Variants in PIK3R3 observed in about 807,000 individuals in gnomAD.
The protein encoded by PIK3R3 is phosphatidylinositol 3-kinase regulatory subunit gamma.
In PIK3R3, 64 loss-of-function variants were observed where a neutral mutation model predicts 62.9. The observed-to-expected ratio is 1.02, with a 90% CI of 0.83 to 1.25. The LOEUF (loss-of-function observed/expected upper bound fraction) is 1.25. Among genes scored for constraint, PIK3R3 ranks in the 50% most tolerant of loss-of-function variants. The pLI is 0.00. For synonymous variants in PIK3R3, 165 were observed against 189.0 expected (o/e 0.87, Z 1.04); for missense variants, 614 against 561.6 (o/e 1.09, Z -0.94).
chr1:46,097,369 C>A (rs974221362), intron 1 of PIK3R3, among the ~76,000 whole-genome samples: 31 of 151,898 alleles, frequency 2.0e-4, no homozygotes, highest in African/African-American at 6.8e-4. Context: ...CATTGTGAAA[C>A]CCTGCCTCCA....
intron 1 of PIK3R3, among the ~76,000 whole-genome samples, chr1:46,082,530 G>A (rs914478083): frequency 6.6e-6 from 1 of 152,138 alleles, no homozygotes; most frequent in African/African-American, 2.4e-5. Flanking sequence ...TTAGTTTTCT[G>A]ATTTTGATGG....
At chr1:46,147,036 C>T in the PIK3R3 span, among the ~76,000 whole-genome samples, 1 of 152,176 alleles carries the variant, frequency 6.6e-6, no homozygotes. Flanking sequence ...TAATCTAGCA[C>T]CTGACACTCC....
intron 1 of PIK3R3, among the ~76,000 whole-genome samples, chr1:46,115,542 C>T (rs1183789582): frequency 6.6e-6 from 1 of 152,138 alleles, no homozygotes; most frequent in Non-Finnish European, 1.5e-5. Flanking sequence ...GTCCATACTG[C>T]ATATATTTTA....
At chr1:46,050,005 C>T (rs1306971975) in intron 7 of PIK3R3, among the ~76,000 whole-genome samples, 1 of 151,516 alleles carries the variant, frequency 6.6e-6, no homozygotes, top group Non-Finnish European at 1.5e-5. Context: ...CCTGTAATCC[C>T]AGCTACTTGG....
intron 3 of PIK3R3, among the ~76,000 whole-genome samples, chr1:46,072,390 T>C (rs1002354346): frequency 1.3e-5 from 2 of 152,230 alleles, no homozygotes; most frequent in East Asian, 1.9e-4. Flanking sequence ...TGCGAGAAAC[T>C]TTCTCTCTGT....
chr1:46,043,866 T>C lies in PIK3R3; in HGVS notation c.1193A>G (p.Asp398Gly). The change falls in exon 10 of 10, where the codon GAT becomes GGT. Residue 398 changes from aspartate (D) to glycine (G), a missense_variant. Asp to Gly is a moderately conservative substitution (Grantham distance 94, BLOSUM62 -1). Transcript: ENST00000262741. ...KGCYACSVVA[D>G]GEVKHCVIYS... is the part of the protein sequence containing the mutation. ...GATCACACAGTGCTTCACTTCCCCATCGGCCCTGCAATGACAAACCACAGA... is the reference window on the plus strand; with the variant it reads ...GATCACACAGTGCTTCACTTCCCCACCGGCCCTGCAATGACAAACCACAGA... 1 of 1,612,962 alleles carries C rather than the reference T, an allele frequency of 6.2e-7. No individual in the cohort carries two copies. Among genetic ancestry groups the C allele is most frequent in the Non-Finnish European group, 8.5e-7 (1 of 1,179,354 alleles).
At chr1:46,096,219 A>C (rs1274124742) in intron 1 of PIK3R3, among the ~76,000 whole-genome samples, 2 of 152,262 alleles carry the variant, frequency 1.3e-5, no homozygotes, top group East Asian at 3.8e-4. Flanking sequence ...GATGAAATTA[A>C]ACTTTTTTTT....
At chr1:46,111,239 G>C (rs1479702656) in intron 1 of PIK3R3, among the ~76,000 whole-genome samples, 1 of 152,028 alleles carries the variant, frequency 6.6e-6, no homozygotes, top group African/African-American at 2.4e-5. Context: ...TGTGAATTAA[G>C]TATTATTACT....
At chr1:46,142,590 C>T in the PIK3R3 span, among the ~76,000 whole-genome samples, 2 of 151,330 alleles carry the variant, frequency 1.3e-5, no homozygotes, top group African/African-American at 4.9e-5. Context: ...CCCAGCTACT[C>T]GGGAGGCTGA....
intron 1 of PIK3R3, among the ~76,000 whole-genome samples, chr1:46,088,652 A>G (rs991946469): frequency 1.3e-5 from 2 of 152,192 alleles, no homozygotes; most frequent in African/African-American, 4.8e-5. Flanking sequence ...TCAGAGGATC[A>G]ACTCAGAAGA....
chr1:46,164,887 T>C, the PIK3R3 span, among the ~76,000 whole-genome samples: 5 of 152,008 alleles, frequency 3.3e-5, no homozygotes, highest in East Asian at 9.6e-4. Context: ...CAGGCTGGAG[T>C]GCAGTGGCAT....
At chr1:46,057,736 C>A (rs1648064509) in intron 6 of PIK3R3, among the ~76,000 whole-genome samples, 1 of 152,190 alleles carries the variant, frequency 6.6e-6, no homozygotes, top group South Asian at 2.1e-4. Context: ...GAAGAAATTT[C>A]TAAGCAGCAA....
chr1:46,084,451 A>G (rs780895126), intron 1 of PIK3R3, among the ~76,000 whole-genome samples: 1 of 152,192 alleles, frequency 6.6e-6, no homozygotes, highest in Non-Finnish European at 1.5e-5. Context: ...AATAAATATC[A>G]GGCTTCTGAC....
intron 1 of PIK3R3, among the ~76,000 whole-genome samples, chr1:46,099,397 T>C (rs947239791): frequency 3.9e-5 from 6 of 152,300 alleles, no homozygotes; most frequent in African/African-American, 1.4e-4. Flanking sequence ...AATGCAAGGT[T>C]GGTTTTCCCT....
At chr1:46,165,834 C>A in the PIK3R3 span, among the ~76,000 whole-genome samples, 1 of 117,680 alleles carries the variant, frequency 8.5e-6, no homozygotes, top group African/African-American at 3.3e-5. Flanking sequence ...TGCAGTGGCG[C>A]GATCTCGGCT....
intron 1 of PIK3R3, among the ~76,000 whole-genome samples, chr1:46,082,659 G>C (rs1472461413): frequency 6.6e-6 from 1 of 152,120 alleles, no homozygotes; most frequent in Non-Finnish European, 1.5e-5. Flanking sequence ...TATGTTCTTT[G>C]AACTGTACTT....
At chr1:46,153,906 C>T in the PIK3R3 span, among the ~76,000 whole-genome samples, 5 of 152,184 alleles carry the variant, frequency 3.3e-5, no homozygotes, top group Non-Finnish European at 5.9e-5. Flanking sequence ...AATCATCTGT[C>T]AGGATCAGAT....
In PIK3R3 at chr1:46,042,000, T is replaced by C. The variant is rs1009767820; in HGVS notation, c.*1673A>G. The stretch of plus-strand genomic sequence containing the variant: ...CCCCCAGAACTAGAGCTTTCCTAGC[T>C]GTAAGCCTTATAAACCAAGATGCAG... On this transcript the variant is annotated 3_prime_UTR_variant, in exon 10 of 10. Coordinates refer to ENST00000262741, the MANE Select transcript of PIK3R3 (RefSeq NM_003629.4). 5.0e-5 allele frequency: 11 copies of C among 221,940 alleles called. No homozygotes were observed. Among genetic ancestry groups the C allele is most frequent in the Non-Finnish European group, 9.9e-5 (11 of 110,912 alleles). The allele number at this position is 221,940 out of a possible 1,614,324, so 13.7% of individuals were successfully genotyped here. A position where few individuals can be genotyped will look rare whatever the true frequency, so the allele number is the denominator to read the frequency against.
chr1:46,131,960 T>C lies in PIK3R3; in HGVS notation c.-8A>G. 6.2e-7 allele frequency: 1 copy of C among 1,613,726 alleles called. No homozygotes were observed. Among genetic ancestry groups the C allele is most frequent in the South Asian group, 1.1e-5 (1 of 90,996 alleles). The stretch of plus-strand genomic sequence containing the variant: ...CCACACCGTATTGTACATCGCGCTG[T>C]CAGGGGCAGGTCGCCAGGAGATATA... On this transcript the variant is annotated 5_prime_UTR_variant, in exon 1 of 10. The change abolishes the stop of an existing upstream ORF in the 5' untranslated region. Coordinates refer to ENST00000262741, the MANE Select transcript of PIK3R3 (RefSeq NM_003629.4).
Sources: gnomAD v4.1 joint callset for allele counts (sites outside exome capture counted in the v4.1 genomes callset) on GRCh38, gnomAD v4.1.1 for gene constraint, MANE v1.5 for transcripts, NCBI Gene and HGNC (gene_info 2026-07-23, HGNC 2026-07-21) for gene names.